The following SYNDIG1 variants were observed in gnomAD, a reference collection of about 807,000 sequenced individuals.
The protein encoded by SYNDIG1 is synapse differentiation inducing 1.
SYNDIG1 carries 9 observed loss-of-function variants against 19.4 expected under a neutral mutation model. The ratio of observed to expected loss-of-function variants is 0.46; its 90% confidence interval spans 0.28 to 0.81. The LOEUF (loss-of-function observed/expected upper bound fraction) is 0.81, where lower values mean the gene tolerates loss of function less well. Ranked by LOEUF, SYNDIG1 falls within the 30% of genes least tolerant of loss-of-function variation. The pLI, the probability that SYNDIG1 is intolerant of heterozygous loss-of-function variation, is 0.12. For missense variants in SYNDIG1, 311 were observed against 343.3 expected, an observed-to-expected ratio of 0.91 and a Z score of 0.74; for synonymous variants, 141 against 145.9, an observed-to-expected ratio of 0.97 and a Z score of 0.24.
chr20:24,592,911 G>T (rs1600703509), intron 3 of SYNDIG1, among the ~76,000 whole-genome samples: 1 of 152,062 alleles, frequency 6.6e-6, no homozygotes, highest in East Asian at 1.9e-4. Context: ...CCCCTGTATG[G>T]CCCCCAGTTT....
intron 3 of SYNDIG1, among the ~76,000 whole-genome samples, chr20:24,618,542 G>A (rs188652548): frequency 2.0e-5 from 3 of 152,252 alleles, no homozygotes; most frequent in Non-Finnish European, 2.9e-5. Context: ...AACCCAAAGG[G>A]GTATTCTCCT....
chr20:24,543,317 C>T lies in SYNDIG1; in HGVS notation c.220C>T (p.Leu74=). ...SSRSEPMQQL[L]DPNTLQQSVE... ...CAGGAGTGAGCCGATGCAGCAGCTGCTGGACCCCAACACCCTGCAGCAGTC... is the reference window on the plus strand; with the variant it reads ...CAGGAGTGAGCCGATGCAGCAGCTGTTGGACCCCAACACCCTGCAGCAGTC... Residue 74 remains leucine (L), a synonymous_variant, in exon 2 of 4, where the codon CTG becomes TTG. Transcript: ENST00000376862. 6.2e-7 allele frequency: 1 copy of T among 1,613,534 alleles called. No individual in the cohort carries two copies. The highest frequency in any genetic ancestry group is 8.5e-7 in the Non-Finnish European group (1 of 1,180,032).
chr20:24,580,218 G>T (rs971838135), intron 2 of SYNDIG1, among the ~76,000 whole-genome samples: 2 of 152,186 alleles, frequency 1.3e-5, no homozygotes, highest in Non-Finnish European at 2.9e-5. Flanking sequence ...TGGGGATTGT[G>T]TGTATTTCTC....
At chr20:24,601,180 T>C (rs767903672) in intron 3 of SYNDIG1, among the ~76,000 whole-genome samples, 46 of 152,372 alleles carry the variant, frequency 3.0e-4, no homozygotes, top group Middle Eastern at 6.8e-3. Flanking sequence ...ATTCCTAGAA[T>C]AAACCCTAAT....
At position 24,659,221 on chromosome 20, in the gene SYNDIG1, G is replaced by A. The variant is rs757639515; in HGVS notation, c.619-6125G>A. Among the ~76,000 whole-genome samples the A allele has an allele frequency of 1.3e-3, 201 of 152,288 alleles. 5 individuals carry two copies. The highest frequency in any genetic ancestry group is 3.4e-3 in the Middle Eastern group (1 of 294). On this transcript the variant is annotated intron_variant, in intron 3 of 3. Transcript: ENST00000376862. ...ACATAACTCATTCCTTTCTGGATTC[G>A]CCTGATTTCTATCTTCCTTAATAGC...
intron 1 of SYNDIG1, among the ~76,000 whole-genome samples, chr20:24,482,929 A>G (rs867665294): frequency 6.6e-6 from 1 of 152,256 alleles, no homozygotes; most frequent in Non-Finnish European, 1.5e-5. Flanking sequence ...GTATGTAGCC[A>G]TGAAGAGTAG....
intron 1 of SYNDIG1, among the ~76,000 whole-genome samples, chr20:24,529,962 GGAA>G (rs2057213559): frequency 2.6e-4 from 1 of 3,896 alleles, no homozygotes; most frequent in African/African-American, 1.3e-3. Flanking sequence ...GTCAGTGTTG[GGAA>G]TAATGATGGT....
chr20:24,506,159 AT>A lies in SYNDIG1; in HGVS notation c.-79+36409del, dbSNP rs1050839844. 8.5e-5 allele frequency among the ~76,000 whole-genome samples: 13 copies of A among 152,180 alleles called. 1 individual carries two copies. The highest frequency in any genetic ancestry group is 8.5e-4 in the Admixed American group (13 of 15,284). Reference sequence around the variant, plus strand: ...GGTTCATAAATAATCTCCGGGAGGAATTTCCATGAATGTGAACTCAGCTGCA... The same window carrying A: ...GGTTCATAAATAATCTCCGGGAGGAATTCCATGAATGTGAACTCAGCTGCA... On this transcript the variant is annotated intron_variant, in intron 1 of 3. Coordinates refer to ENST00000376862, the MANE Select transcript of SYNDIG1 (RefSeq NM_024893.3).
In SYNDIG1 at chr20:24,566,906, T is replaced by C. The variant is rs145780009; in HGVS notation, c.481-17950T>C. 3.3e-5 allele frequency among the ~76,000 whole-genome samples: 5 copies of C among 152,318 alleles called. No individual in the cohort carries two copies. The East Asian group carries it at 7.7e-4, about 24-fold the overall frequency. On this transcript the variant is annotated intron_variant, in intron 2 of 3. Transcript: ENST00000376862. The stretch of plus-strand genomic sequence containing the variant: ...GCGGGAAGGACATGGACTTTCCTAG[T>C]TGAAGGTCCAAATGCATGTTCTCTA...
At chr20:24,611,463 C>T (rs1481066849) in intron 3 of SYNDIG1, among the ~76,000 whole-genome samples, 2 of 152,142 alleles carry the variant, frequency 1.3e-5, no homozygotes, top group African/African-American at 4.8e-5. Context: ...AGGCTGGTGG[C>T]CCTTGCAACT....
chr20:24,545,022 C>G (rs1448416327), intron 2 of SYNDIG1, among the ~76,000 whole-genome samples: 1 of 152,134 alleles, frequency 6.6e-6, no homozygotes, highest in Non-Finnish European at 1.5e-5. Context: ...AGACCCACAA[C>G]CATGGGACCC....
chr20:24,611,285 T>TA (rs2058843226), intron 3 of SYNDIG1, among the ~76,000 whole-genome samples: 1 of 152,166 alleles, frequency 6.6e-6, no homozygotes, highest in East Asian at 1.9e-4. Flanking sequence ...TTGGAACCGT[T>TA]AGACTATTCT....
At chr20:24,598,200 G>A (rs1447462217) in intron 3 of SYNDIG1, among the ~76,000 whole-genome samples, 1 of 152,206 alleles carries the variant, frequency 6.6e-6, no homozygotes, top group Non-Finnish European at 1.5e-5. Flanking sequence ...GGAGTGGAGG[G>A]CTTGCCGCCA....
intron 3 of SYNDIG1, among the ~76,000 whole-genome samples, chr20:24,601,021 C>T (rs1024806167): frequency 6.6e-6 from 1 of 152,160 alleles, no homozygotes; most frequent in Non-Finnish European, 1.5e-5. Context: ...GTTAAGTAGG[C>T]TCTTTAGGTA....
intron 2 of SYNDIG1, among the ~76,000 whole-genome samples, chr20:24,555,863 T>TG (rs1331120179): frequency 6.6e-6 from 1 of 152,176 alleles, no homozygotes; most frequent in Non-Finnish European, 1.5e-5. Flanking sequence ...GTATCCTTGT[T>TG]AAATTTCTGT....
At chr20:24,631,424 A>G (rs1161814438) in intron 3 of SYNDIG1, among the ~76,000 whole-genome samples, 1 of 152,228 alleles carries the variant, frequency 6.6e-6, no homozygotes, top group East Asian at 1.9e-4. Context: ...TGCGGGCGCG[A>G]CGGCCTCATC....
chr20:24,580,705 A>C (rs1362006261), intron 2 of SYNDIG1, among the ~76,000 whole-genome samples: 1 of 151,966 alleles, frequency 6.6e-6, no homozygotes, highest in East Asian at 1.9e-4. Context: ...AACCATGCCC[A>C]CCCCTCAGTT....
At chr20:24,575,522 A>G (rs2058213147) in intron 2 of SYNDIG1, among the ~76,000 whole-genome samples, 1 of 152,210 alleles carries the variant, frequency 6.6e-6, no homozygotes, top group Admixed American at 6.5e-5. Flanking sequence ...TGTGCACCTC[A>G]TTTACAGCAG....
chr20:24,550,284 A>C (rs1393064185), intron 2 of SYNDIG1, among the ~76,000 whole-genome samples: 2 of 152,198 alleles, frequency 1.3e-5, no homozygotes, highest in Non-Finnish European at 2.9e-5. Context: ...ATAGCACTGC[A>C]ACAAACGCAT....
Sources: gnomAD v4.1 joint callset for allele counts (sites outside exome capture counted in the v4.1 genomes callset) on GRCh38, gnomAD v4.1.1 for gene constraint, MANE v1.5 for transcripts, NCBI Gene and HGNC (gene_info 2026-07-23, HGNC 2026-07-21) for gene names.